The following FHIT variants were observed in gnomAD, a reference collection of about 807,000 sequenced individuals.
The protein encoded by FHIT is fragile histidine triad diadenosine triphosphatase.
A neutral mutation model predicts 17.9 loss-of-function variants in FHIT; 19 were observed. That is an observed-to-expected ratio of 1.06 (90% CI 0.74 to 1.56). The LOEUF is 1.56. Ranked by LOEUF, FHIT falls within the 40% of genes most tolerant of loss-of-function variation. FHIT has a pLI of 0.00. For missense variants in FHIT, 248 were observed against 189.2 expected (o/e 1.31, Z -1.82); for synonymous variants, 81 against 69.7 (o/e 1.16, Z -0.81).
chr3:60,776,583 C>T (rs1386979652), intron 4 of FHIT, among the ~76,000 whole-genome samples: 1 of 152,118 alleles, frequency 6.6e-6, no homozygotes, highest in African/African-American at 2.4e-5. Context: ...ATTGACTTGC[C>T]AGCTTCACAA....
rs2106831994 is a variant in FHIT at position 61,096,640 on chromosome 3, G to T, written c.-163-54541C>A. Among the ~76,000 whole-genome samples the T allele has an allele frequency of 1.3e-5, 2 of 152,238 alleles. 1 individual carries two copies. The highest frequency in any genetic ancestry group is 4.8e-5 in the African/African-American group (2 of 41,540). On this transcript the variant is annotated intron_variant, in intron 2 of 9. Coordinates refer to ENST00000492590, the MANE Select transcript of FHIT (RefSeq NM_002012.4). ...AAGCCTGGGCTGCTTTACTCTCTAGGGTGTTGAGCCAGAAGGCTTTATTCT... is the reference window on the plus strand; with the variant it reads ...AAGCCTGGGCTGCTTTACTCTCTAGTGTGTTGAGCCAGAAGGCTTTATTCT...
chr3:60,029,879 TTGTGTGTGTGTGTGTGTCTG>T (rs1350838322), intron 5 of FHIT, among the ~76,000 whole-genome samples: 2 of 131,398 alleles, frequency 1.5e-5, no homozygotes, highest in Non-Finnish European at 3.3e-5. Context: ...CATAGAAGCA[TTGTGTGTGTGTGTGTGTCTG>T]TGTGTGTGTG....
chr3:60,141,384 T>TAAAAAAAA (rs34364126), intron 5 of FHIT, among the ~76,000 whole-genome samples: 1 of 128,104 alleles, frequency 7.8e-6, no homozygotes, highest in South Asian at 2.6e-4. Flanking sequence ...TGATGCCCAT[T>TAAAAAAAA]AAAAAAAAAA....
intron 5 of FHIT, among the ~76,000 whole-genome samples, chr3:60,457,162 A>G (rs574276285): frequency 7.2e-5 from 11 of 152,180 alleles, no homozygotes; most frequent in Admixed American, 3.3e-4. Flanking sequence ...GAGGCATCAC[A>G]CTACCTGACT....
At chr3:60,953,020 G>A (rs1300478003) in intron 3 of FHIT, among the ~76,000 whole-genome samples, 1 of 152,112 alleles carries the variant, frequency 6.6e-6, no homozygotes, top group Non-Finnish European at 1.5e-5. Flanking sequence ...AGGCCCAGCT[G>A]AAAAGAAAAC....
chr3:59,841,613 T>C (rs2106751232), intron 8 of FHIT, among the ~76,000 whole-genome samples: 1 of 152,234 alleles, frequency 6.6e-6, no homozygotes, highest in South Asian at 2.1e-4. Flanking sequence ...CCCCTTCCTT[T>C]CACAGGTGTT....
chr3:60,723,955 G>A (rs984784841), intron 4 of FHIT, among the ~76,000 whole-genome samples: 4 of 152,126 alleles, frequency 2.6e-5, no homozygotes, highest in Non-Finnish European at 5.9e-5. Flanking sequence ...CAAGCCCTGT[G>A]GCATCTCTTT....
intron 2 of FHIT, among the ~76,000 whole-genome samples, chr3:61,192,358 G>A (rs1356139738): frequency 1.3e-5 from 2 of 152,166 alleles, no homozygotes; most frequent in African/African-American, 2.4e-5. Context: ...TTAGCAATCT[G>A]TCAATAGCTG....
At chr3:60,528,415 G>T (rs1408141708) in intron 5 of FHIT, among the ~76,000 whole-genome samples, 1 of 151,338 alleles carries the variant, frequency 6.6e-6, no homozygotes, top group East Asian at 1.9e-4. Context: ...ATATACAAAA[G>T]GAAAAGAAAG....
chr3:60,140,331 G>T, intron 5 of FHIT, among the ~76,000 whole-genome samples: 1 of 152,126 alleles, frequency 6.6e-6, no homozygotes, highest in East Asian at 1.9e-4. Context: ...CACATGAGGG[G>T]TATGACCTCA....
intron 2 of FHIT, among the ~76,000 whole-genome samples, chr3:61,099,562 T>C (rs1344586876): frequency 5.9e-5 from 9 of 152,146 alleles, no homozygotes; most frequent in Non-Finnish European, 1.2e-4. Context: ...TTTTGGTTGG[T>C]AGGCTATTTA....
rs535368981 is a variant in FHIT at position 60,234,537 on chromosome 3, G to A, written c.104-220385C>T. Among the ~76,000 whole-genome samples the A allele has an allele frequency of 1.1e-4, 17 of 152,208 alleles. 1 individual carries two copies. Among genetic ancestry groups the A allele is most frequent in the South Asian group, 8.3e-4 (4 of 4,820 alleles). Reference sequence around the variant, plus strand: ...TGACAGTTTATGATTGCTATATCTCGAGCAGGAGATTTTGCTAAATGTATT... The same window carrying A: ...TGACAGTTTATGATTGCTATATCTCAAGCAGGAGATTTTGCTAAATGTATT... On this transcript the variant is annotated intron_variant, in intron 5 of 9. Transcript: ENST00000492590.
intron 8 of FHIT, among the ~76,000 whole-genome samples, chr3:59,824,837 T>C (rs1700920120): frequency 6.6e-6 from 1 of 152,208 alleles, no homozygotes; most frequent in African/African-American, 2.4e-5. Flanking sequence ...CGGCCTCTTT[T>C]CAACCATTCC....
intron 4 of FHIT, among the ~76,000 whole-genome samples, chr3:60,706,901 A>G (rs1553703706): frequency 6.6e-6 from 1 of 152,222 alleles, no homozygotes; most frequent in African/African-American, 2.4e-5. Flanking sequence ...CAATTGTGGC[A>G]CTTACATCTT....
At chr3:60,155,947 CCTT>C (rs1334726148) in intron 5 of FHIT, among the ~76,000 whole-genome samples, 1 of 152,170 alleles carries the variant, frequency 6.6e-6, no homozygotes, top group African/African-American at 2.4e-5. Context: ...ACACACTTCT[CCTT>C]CTAAAGTAAA....
chr3:60,606,850 C>T (rs782472382), intron 4 of FHIT, among the ~76,000 whole-genome samples: 1 of 152,124 alleles, frequency 6.6e-6, no homozygotes, highest in Non-Finnish European at 1.5e-5. Context: ...TCCCTCCTGC[C>T]CGCATCTTGA....
At chr3:60,109,162 G>A (rs1218280037) in intron 5 of FHIT, among the ~76,000 whole-genome samples, 1 of 152,104 alleles carries the variant, frequency 6.6e-6, no homozygotes, top group Non-Finnish European at 1.5e-5. Flanking sequence ...AGATTACAGT[G>A]ATAAAATGAA....
Position 59,747,797 on chromosome 3 carries a change from G to T in FHIT, c.*1788C>A, listed in dbSNP as rs1485724. Among the ~76,000 whole-genome samples the T allele has an allele frequency of 7.2e-5, 11 of 151,906 alleles. No individual in the cohort carries two copies. Among genetic ancestry groups the T allele is most frequent in the Admixed American group, 2.6e-4 (4 of 15,262 alleles). On this transcript the variant is annotated 3_prime_UTR_variant, in exon 10 of 10. Coordinates refer to ENST00000492590, the MANE Select transcript of FHIT (RefSeq NM_002012.4). ...CTTCTTGATATGCCTGCAGGGGTTG[G>T]GGGGAGGTGGGTGGGTGGAAAGGAG...
At chr3:60,325,795 T>C (rs543312450) in intron 5 of FHIT, among the ~76,000 whole-genome samples, 15 of 152,160 alleles carry the variant, frequency 9.9e-5, no homozygotes, top group Non-Finnish European at 1.8e-4. Context: ...TTTACTGTAG[T>C]GGAGAGGACC....
Sources: allele counts gnomAD v4.1 joint callset (sites outside exome capture counted in the v4.1 genomes callset), GRCh38; gene constraint gnomAD v4.1.1; transcripts MANE v1.5; gene names NCBI Gene and HGNC (gene_info 2026-07-23, HGNC 2026-07-21).